TATDN2: variants seen among roughly 807,000 people sequenced by gnomAD.
The protein encoded by TATDN2 is TatD DNase domain containing 2.
TATDN2 carries 44 observed loss-of-function variants against 60.3 expected under a neutral mutation model. That is an observed-to-expected ratio of 0.73 (90% confidence interval 0.57 to 0.94). The LOEUF is 0.94. Ranked by LOEUF, TATDN2 falls within the 40% of genes least tolerant of loss-of-function variation. The probability of loss-of-function intolerance (pLI) is 0.00; values close to 1 mark genes in which losing one functional copy is unlikely to be tolerated. For missense variants in TATDN2, 997 were observed against 948.0 expected (o/e 1.05, Z -0.68); for synonymous variants, 399 against 355.8 (o/e 1.12, Z -1.37).
At chr3:10,270,103 C>G in intron 3 of TATDN2, 28 bp from the exon 4 acceptor site, 1 of 1,585,854 alleles carries the variant, frequency 6.3e-7, no homozygotes, top group Non-Finnish European at 8.6e-7. Flanking sequence ...GAAGGCTAAC[C>G]CACTGTTGTA....
In TATDN2 at chr3:10,249,571, T is replaced by A; in HGVS notation, c.371T>A (p.Leu124Ter). 7.8e-6 allele frequency: 12 copies of A among 1,544,240 alleles called. No individual in the cohort carries two copies. Among genetic ancestry groups the A allele is most frequent in the Non-Finnish European group, 1.0e-5 (12 of 1,147,782 alleles). The change falls in exon 2 of 8, where the codon TTG becomes TAG. Residue 124 changes from leucine to a stop codon, truncating the protein, a stop_gained. Transcript: ENST00000448281. LOFTEE classifies it high-confidence loss of function. Reference protein sequence around the residue: ...GSPLRPANASLEEMASLEEEA... With the variant: ...GSPLRPANAS Reference sequence around the variant, plus strand: ...CCTCTGCGTCCTGCCAACGCCTCTTTGGAAGAAATGGCTTCTCTAGAGGAG... The same window carrying A: ...CCTCTGCGTCCTGCCAACGCCTCTTAGGAAGAAATGGCTTCTCTAGAGGAG...
chr3:10,276,553 C>T, intron 5 of TATDN2, 65 bp downstream of exon 5: 3 of 1,584,736 alleles, frequency 1.9e-6, no homozygotes, highest in Non-Finnish European at 8.6e-7. Flanking sequence ...TTGATGAGGA[C>T]AGCAATGATC....
chr3:10,266,373 G>A (rs74351488), intron 3 of TATDN2, among the ~76,000 whole-genome samples: 2,185 of 152,266 alleles, frequency 0.014, 46 homozygotes, highest in African/African-American at 0.05. Flanking sequence ...TTCTATTTAT[G>A]AGACTGGACG....
chr3:10,261,772 A>G (rs542952477), intron 3 of TATDN2, among the ~76,000 whole-genome samples: 2 of 152,316 alleles, frequency 1.3e-5, no homozygotes, highest in East Asian at 3.9e-4. Flanking sequence ...ATGTTTCTAA[A>G]TAATCTTTAC....
chr3:10,276,398 AG>A lies in TATDN2; in HGVS notation c.1872del (p.Lys625SerfsTer4). On this transcript the variant is annotated frameshift_variant, in exon 5 of 8. Transcript: ENST00000448281. LOFTEE classifies it high-confidence loss of function. ...CAGCTGCAGCTGGCTGTGTCTCTAA[AG>A]AAGCCCTTGGTGATCCACTGCCGAG... ...ERQLQLAVSL[K>X]KPLVIHCREA... The A allele has an allele frequency of 6.2e-7, 1 of 1,614,068 alleles. No individual in the cohort carries two copies. Among genetic ancestry groups the A allele is most frequent in the Non-Finnish European group, 8.5e-7 (1 of 1,179,972 alleles).
chr3:10,268,527 G>A (rs1005936193), intron 3 of TATDN2, among the ~76,000 whole-genome samples: 2 of 152,178 alleles, frequency 1.3e-5, no homozygotes, highest in African/African-American at 4.8e-5. Flanking sequence ...CTTAAATTTT[G>A]TTTCCAGCAT....
intron 4 of TATDN2, among the ~76,000 whole-genome samples, chr3:10,271,622 T>C (rs1427401690): frequency 6.6e-6 from 1 of 151,872 alleles, no homozygotes; most frequent in South Asian, 2.1e-4. Context: ...TTTTTTTAAA[T>C]ATACCCATTG....
chr3:10,255,164 C>T (rs1352059366), intron 2 of TATDN2, among the ~76,000 whole-genome samples: 1 of 151,792 alleles, frequency 6.6e-6, no homozygotes, highest in African/African-American at 2.4e-5. Context: ...CGTGCACCAC[C>T]ATGCCCAGCT....
At position 10,257,841 on chromosome 3, in the gene TATDN2, A is replaced by ATTTT. The variant is rs553265148; in HGVS notation, c.415-2264_415-2261dup. Among the ~76,000 whole-genome samples, 111 of 30,260 alleles carry ATTTT rather than the reference A, an allele frequency of 3.7e-3. 17 individuals carry two copies. The highest frequency in any genetic ancestry group is 7.2e-3 in the East Asian group (5 of 698). The allele number at this position is 30,260 out of a possible 152,430, so 19.9% of individuals were successfully genotyped here. On this transcript the variant is annotated intron_variant, in intron 2 of 7. Coordinates refer to ENST00000448281, the MANE Select transcript of TATDN2 (RefSeq NM_014760.4). ...AAGTATAGATTTCTAAAGGTTTATG[A>ATTTT]TTTTTTTTTTTTTTTTTTTTTTTTT...
chr3:10,249,783 AGGCGCGTG>A (rs1236909959), intron 2 of TATDN2, among the ~76,000 whole-genome samples, 169 bp downstream of exon 2: 6 of 152,234 alleles, frequency 3.9e-5, no homozygotes, highest in Non-Finnish European at 8.8e-5. Flanking sequence ...GCAGTCTTCC[AGGCGCGTG>A]GCCTGAAGTT....
intron 3 of TATDN2, among the ~76,000 whole-genome samples, chr3:10,266,931 C>CT (rs199956355): frequency 0.012 from 1,536 of 126,872 alleles, 39 homozygotes; most frequent in South Asian, 0.048. Context: ...CTAAGGCAGT[C>CT]TTTTTTTTTT....
chr3:10,275,980 G>T (rs946526557), intron 4 of TATDN2, among the ~76,000 whole-genome samples: 1 of 152,210 alleles, frequency 6.6e-6, no homozygotes, highest in South Asian at 2.1e-4. Flanking sequence ...TTAACTTTGC[G>T]CTTTATGTTC....
At chr3:10,271,888 G>A (rs1254020775) in intron 4 of TATDN2, among the ~76,000 whole-genome samples, 1 of 150,632 alleles carries the variant, frequency 6.6e-6, no homozygotes, top group Non-Finnish European at 1.5e-5. Flanking sequence ...GCCACCTTGC[G>A]TGGCTAATTT....
chr3:10,262,058 C>G (rs939928429), intron 3 of TATDN2, among the ~76,000 whole-genome samples: 6 of 152,100 alleles, frequency 3.9e-5, no homozygotes, highest in African/African-American at 1.4e-4. Flanking sequence ...TTTGTTTTTC[C>G]TTTGGTTTTC....
Position 10,260,351 on chromosome 3 carries a change from C to T in TATDN2, c.629C>T (p.Ala210Val), listed in dbSNP as rs199748216. ...PKRKGEAATR[A>V]KPSAAEHPSH... ...AGGAAGGGAGAGGCTGCCACTCGGG[C>T]AAAACCAAGCGCAGCAGAGCATCCC... Residue 210 changes from alanine (A) to valine (V), a missense_variant, in exon 3 of 8, where the codon GCA (alanine) becomes GTA (valine). Physicochemically the swap from Ala to Val is moderately conservative, Grantham distance 64. Coordinates refer to ENST00000448281, the MANE Select transcript of TATDN2 (RefSeq NM_014760.4). The T allele has an allele frequency of 8.7e-6, 14 of 1,614,150 alleles. No homozygotes were observed. Among genetic ancestry groups the T allele is most frequent in the Non-Finnish European group, 1.2e-5 (14 of 1,180,028 alleles).
chr3:10,255,492 T>C (rs1420366939), intron 2 of TATDN2, among the ~76,000 whole-genome samples: 1 of 152,052 alleles, frequency 6.6e-6, no homozygotes, highest in Non-Finnish European at 1.5e-5. Context: ...TATGAAAATA[T>C]AAGGTATATT....
intron 4 of TATDN2, among the ~76,000 whole-genome samples, chr3:10,274,434 C>A (rs76608597): frequency 3.9e-5 from 6 of 152,146 alleles, no homozygotes; most frequent in African/African-American, 1.2e-4. Context: ...CTTTTCTACT[C>A]GTGAAATTTT....
chr3:10,267,986 C>T (rs1020415286), intron 3 of TATDN2, among the ~76,000 whole-genome samples: 1 of 152,092 alleles, frequency 6.6e-6, no homozygotes, highest in East Asian at 1.9e-4. Context: ...TCTGTTATAA[C>T]CGAGATAGTT....
chr3:10,257,087 G>T (rs1231716893), intron 2 of TATDN2, among the ~76,000 whole-genome samples: 3 of 149,684 alleles, frequency 2.0e-5, no homozygotes, highest in Non-Finnish European at 4.4e-5. Context: ...TTGAGGTTAG[G>T]CCAACATGGT....
Sources: allele counts gnomAD v4.1 joint callset (sites outside exome capture counted in the v4.1 genomes callset), GRCh38; gene constraint gnomAD v4.1.1; transcripts MANE v1.5; gene names NCBI Gene and HGNC (gene_info 2026-07-23, HGNC 2026-07-21).